The following TSHR variants were observed in gnomAD, a reference collection of about 807,000 sequenced individuals.
TSHR encodes the protein thyrotropin receptor.
TSHR carries 51 observed loss-of-function variants against 64.1 expected under a neutral mutation model. The ratio of observed to expected loss-of-function variants is 0.80; its 90% CI spans 0.64 to 1.01. TSHR has a LOEUF of 1.01. Ranked by LOEUF, TSHR falls within the 50% of genes least tolerant of loss-of-function variation. TSHR has a pLI of 0.00. For missense variants in TSHR, 877 were observed against 942.8 expected, an observed-to-expected ratio of 0.93 and a Z score of 0.91; for synonymous variants, 361 against 361.9, an observed-to-expected ratio of 1.00 and a Z score of 0.03.
intron 1 of TSHR, among the ~76,000 whole-genome samples, chr14:81,002,214 G>A (rs935875932): frequency 6.6e-6 from 1 of 152,010 alleles, no homozygotes; most frequent in Non-Finnish European, 1.5e-5. Context: ...TTTGAATTCT[G>A]AAATACATCT....
At chr14:81,122,994 G>T (rs2140069074) in intron 8 of TSHR, among the ~76,000 whole-genome samples, 2 of 152,258 alleles carry the variant, frequency 1.3e-5, no homozygotes, top group Middle Eastern at 3.4e-3. Context: ...AGGCGCGGTG[G>T]CAGGCGCCTG....
chr14:81,029,350 A>C (rs998807118), intron 1 of TSHR, among the ~76,000 whole-genome samples: 1 of 151,990 alleles, frequency 6.6e-6, no homozygotes, highest in Non-Finnish European at 1.5e-5. Flanking sequence ...AGGATTATAT[A>C]TATTAGCTTC....
intron 7 of TSHR, among the ~76,000 whole-genome samples, chr14:81,106,265 C>T (rs977577521): frequency 2.0e-5 from 3 of 152,296 alleles, no homozygotes; most frequent in Non-Finnish European, 2.9e-5. Flanking sequence ...AAAATCACTA[C>T]CTCAACAAGA....
At chr14:81,005,211 GTGTGTGTGTGT>G (rs1889534088) in intron 1 of TSHR, among the ~76,000 whole-genome samples, 1 of 6,364 alleles carries the variant, frequency 1.6e-4, no homozygotes, top group Admixed American at 3.3e-3. Flanking sequence ...GTGTGTGTGT[GTGTGTGTGTGT>G]GTGTGTGTGT....
chr14:80,969,617 G>T (rs10136949), intron 1 of TSHR, among the ~76,000 whole-genome samples: 8,577 of 152,200 alleles, frequency 0.056, 780 homozygotes, highest in African/African-American at 0.19. Context: ...TGATGAAAAG[G>T]AGCCCAAGCC....
At chr14:80,993,501 C>T (rs1174465304) in intron 1 of TSHR, 2 of 152,054 alleles carry the variant, frequency 1.3e-5, no homozygotes, top group Non-Finnish European at 2.9e-5. Context: ...ATTATATACT[C>T]CTATCAGTAA....
intron 1 of TSHR, among the ~76,000 whole-genome samples, chr14:81,022,005 G>A (rs945492633): frequency 1.1e-4 from 16 of 151,436 alleles, no homozygotes; most frequent in Non-Finnish European, 1.5e-5. Context: ...GCTCACGCCT[G>A]TAATCCCAGC....
chr14:81,001,492 G>A, intron 1 of TSHR: 1 of 517,054 alleles, frequency 1.9e-6, no homozygotes. Flanking sequence ...ACACCCTTAA[G>A]TTCGGCATTT....
At chr14:81,090,368 C>T (rs1888627786) in intron 4 of TSHR, among the ~76,000 whole-genome samples, 1 of 152,134 alleles carries the variant, frequency 6.6e-6, no homozygotes, top group Non-Finnish European at 1.5e-5. Flanking sequence ...CCTCAGCCTC[C>T]CAAGTAGCTG....
intron 8 of TSHR, among the ~76,000 whole-genome samples, chr14:81,131,773 T>C (rs1211377307): frequency 6.6e-6 from 1 of 152,198 alleles, no homozygotes; most frequent in Non-Finnish European, 1.5e-5. Context: ...TCCTGGTCTC[T>C]GCCTTTTCTC....
chr14:81,135,570 C>T (rs754974569), intron 8 of TSHR, among the ~76,000 whole-genome samples: 2 of 152,070 alleles, frequency 1.3e-5, no homozygotes, highest in Non-Finnish European at 2.9e-5. Flanking sequence ...GGGCTCACAT[C>T]TGATTGGGGT....
chr14:81,072,412 ATTAAAC>A (rs1887138532), intron 3 of TSHR, among the ~76,000 whole-genome samples: 1 of 152,206 alleles, frequency 6.6e-6, no homozygotes, highest in African/African-American at 2.4e-5. Context: ...ACTAACTGAA[ATTAAAC>A]TTTAATAAAT....
intron 1 of TSHR, among the ~76,000 whole-genome samples, chr14:81,011,159 G>C (rs1397654519): frequency 6.6e-6 from 1 of 152,028 alleles, no homozygotes; most frequent in Admixed American, 6.6e-5. Flanking sequence ...GATTGTACTA[G>C]CTTCATAAAA....
chr14:81,134,850 T>C (rs565960735), intron 8 of TSHR, among the ~76,000 whole-genome samples: 100 of 152,296 alleles, frequency 6.6e-4, no homozygotes, highest in African/African-American at 2.3e-3. Flanking sequence ...AAGGGGCCTG[T>C]CTTCCCCCAG....
chr14:81,056,476 A>G (rs1372891173), intron 1 of TSHR, among the ~76,000 whole-genome samples: 1 of 152,208 alleles, frequency 6.6e-6, no homozygotes, highest in East Asian at 1.9e-4. Context: ...ATAAATATGC[A>G]TTGTAGACTT....
chr14:81,135,044 C>T (rs917580889), intron 8 of TSHR, among the ~76,000 whole-genome samples: 1 of 152,090 alleles, frequency 6.6e-6, no homozygotes, highest in Non-Finnish European at 1.5e-5. Flanking sequence ...TATGATAAAG[C>T]CTTTAAAATT....
At chr14:81,070,521 G>A (rs1280421871) in intron 3 of TSHR, among the ~76,000 whole-genome samples, 1 of 151,144 alleles carries the variant, frequency 6.6e-6, no homozygotes, top group Non-Finnish European at 1.5e-5. Context: ...CAGCTACTCG[G>A]GAGGCTGAGG....
chr14:81,066,556 T>C (rs1886625202), intron 2 of TSHR, among the ~76,000 whole-genome samples: 2 of 152,294 alleles, frequency 1.3e-5, no homozygotes, highest in African/African-American at 4.8e-5. Context: ...ATAACCAAGA[T>C]AAAAACTTAG....
chr14:81,069,725 C>T (rs533901381), intron 3 of TSHR, among the ~76,000 whole-genome samples: 1 of 152,218 alleles, frequency 6.6e-6, no homozygotes, highest in South Asian at 2.1e-4. Flanking sequence ...TATGGGAAAA[C>T]TGTGACTAGA....
Sources: allele counts gnomAD v4.1 joint callset (sites outside exome capture counted in the v4.1 genomes callset), GRCh38; gene constraint gnomAD v4.1.1; transcripts MANE v1.5; gene names NCBI Gene and HGNC (gene_info 2026-07-23, HGNC 2026-07-21).